Variants in PLA2G5 observed in about 807,000 individuals in gnomAD.
The protein encoded by PLA2G5 is Ca2+-dependent phospholipase A2.
PLA2G5 carries 12 observed loss-of-function variants against 15.9 expected under a neutral mutation model. The observed-to-expected ratio is 0.76, with a 90% CI of 0.48 to 1.23. PLA2G5 has a LOEUF of 1.23. Ranked by LOEUF, PLA2G5 falls within the 50% of genes most tolerant of loss-of-function variation. The probability of loss-of-function intolerance (pLI) is 0.00; values close to 1 mark genes in which losing one functional copy is unlikely to be tolerated. For synonymous variants in PLA2G5, 71 were observed against 71.4 expected, an observed-to-expected ratio of 0.99 and a Z score of 0.03; for missense variants, 169 against 177.1, an observed-to-expected ratio of 0.95 and a Z score of 0.26.
chr1:20,046,165 G>T (rs949618991), intron 1 of PLA2G5: 2 of 152,120 alleles, frequency 1.3e-5, no homozygotes, highest in African/African-American at 4.8e-5. Flanking sequence ...TTTGGGTTTT[G>T]TCTTATCTAA....
chr1:20,039,822 C>T (rs1211373248), intron 1 of PLA2G5, among the ~76,000 whole-genome samples: 1 of 152,134 alleles, frequency 6.6e-6, no homozygotes, highest in East Asian at 1.9e-4. Flanking sequence ...AAAGAATAGA[C>T]CTTCAGCATT....
upstream of PLA2G5, among the ~76,000 whole-genome samples, chr1:20,067,443 T>G (rs1428861014): frequency 1.3e-5 from 2 of 152,130 alleles, no homozygotes. Flanking sequence ...ATTCCAGCAC[T>G]TTGGGAGGCC....
intron 2 of PLA2G5, chr1:20,063,655 G>A (rs570717447): frequency 6.6e-6 from 1 of 152,348 alleles, no homozygotes; most frequent in South Asian, 2.1e-4. Context: ...GGGAAATGAA[G>A]AGCAAGGCCC....
intron 1 of PLA2G5, among the ~76,000 whole-genome samples, chr1:20,049,525 A>T (rs1486068518): frequency 1.3e-5 from 2 of 152,140 alleles, no homozygotes; most frequent in African/African-American, 4.8e-5. Flanking sequence ...CATGGGAAGG[A>T]CACAGTGGGA....
intron 1 of PLA2G5, among the ~76,000 whole-genome samples, chr1:20,033,726 G>C (rs528158363): frequency 6.6e-6 from 1 of 152,258 alleles, no homozygotes; most frequent in South Asian, 2.1e-4. Context: ...AGAGTAAAGG[G>C]CTTGGTGGGG....
rs955476031 is a variant in PLA2G5, at chr1:20,039,355, T to C, written n.276+10646T>C. Among the ~76,000 whole-genome samples, 11 of 152,312 alleles carry C rather than the reference T, an allele frequency of 7.2e-5. No homozygotes were observed. In the East Asian group the frequency reaches 1.4e-3, roughly 19 times the overall value. On this transcript the variant is annotated intron_variant and non_coding_transcript_variant, in intron 1 of 6. Transcript: ENST00000460175. ...AGTGGAAGGTGTCAATAAACTTGTTTCCTCAGGGTTTCTTCAAGCTTCCAA... is the reference window on the plus strand; with the variant it reads ...AGTGGAAGGTGTCAATAAACTTGTTCCCTCAGGGTTTCTTCAAGCTTCCAA...
intron 1 of PLA2G5, among the ~76,000 whole-genome samples, chr1:20,075,478 A>T (rs1156733004): frequency 6.6e-6 from 1 of 152,254 alleles, no homozygotes; most frequent in Non-Finnish European, 1.5e-5. Flanking sequence ...CATAGACATG[A>T]GACAGGTACA....
At chr1:20,053,577 G>T (rs532460984) in intron 1 of PLA2G5, among the ~76,000 whole-genome samples, 25 of 143,064 alleles carry the variant, frequency 1.7e-4, no homozygotes, top group African/African-American at 4.4e-4. Context: ...TTGCGGGGGG[G>T]GGGGTGATAT....
chr1:20,038,794 G>A (rs532832212), intron 1 of PLA2G5, among the ~76,000 whole-genome samples: 6 of 152,240 alleles, frequency 3.9e-5, no homozygotes, highest in South Asian at 2.1e-4. Flanking sequence ...AGAAAAAAAG[G>A]ATAAGTAATA....
intron 2 of PLA2G5, among the ~76,000 whole-genome samples, chr1:20,060,094 T>C (rs771894080): frequency 2.1e-4 from 32 of 152,052 alleles, no homozygotes; most frequent in Non-Finnish European, 4.1e-4. Flanking sequence ...GGGTGAAACA[T>C]AGGTTGGAGG....
At position 20,086,074 on chromosome 1, in the gene PLA2G5, A is replaced by G; in HGVS notation, c.41-9A>G. On this transcript the variant is annotated splice_polypyrimidine_tract_variant and intron_variant, in intron 2 of 4. Coordinates refer to ENST00000375108, the MANE Select transcript of PLA2G5 (RefSeq NM_000929.3). ...TGGGTGTCACCTGGGGACATGGGCT[A>G]TCTTCCAGGTGTGCCTGCTGTGCAA... 1 of 1,613,990 alleles carries G rather than the reference A, an allele frequency of 6.2e-7. No individual in the cohort carries two copies. Among genetic ancestry groups the G allele is most frequent in the African/African-American group, 1.3e-5 (1 of 75,046 alleles).
rs1439248850 is a variant in PLA2G5 at position 20,091,261 on chromosome 1, G to A, written c.*569G>A. The stretch of plus-strand genomic sequence containing the variant: ...ACCCAAAGATGTCTACATTATCTCC[G>A]AAACAGAAGGGAAGATTAGTAAATG... On this transcript the variant is annotated 3_prime_UTR_variant, in exon 5 of 5. Coordinates refer to ENST00000375108, the MANE Select transcript of PLA2G5 (RefSeq NM_000929.3). The A allele has an allele frequency of 1.3e-5, 2 of 152,372 alleles. No homozygotes were observed. Among genetic ancestry groups the A allele is most frequent in the Non-Finnish European group, 2.9e-5 (2 of 68,180 alleles). The allele number at this position is 152,372 out of a possible 1,614,324, so 9.4% of individuals were successfully genotyped here. A position where few individuals can be genotyped will look rare whatever the true frequency, so the allele number is the denominator to read the frequency against.
At position 20,090,781 on chromosome 1, in the gene PLA2G5, G is replaced by T. The variant is rs2016532391; in HGVS notation, c.*89G>T. ...TGACTCTGCCTGGTTCCTGAGAGAG[G>T]CTCCTAAGTCACAGACCTCAGTCTT... On this transcript the variant is annotated 3_prime_UTR_variant, in exon 5 of 5. Coordinates refer to ENST00000375108, the MANE Select transcript of PLA2G5 (RefSeq NM_000929.3). 1 of 1,398,604 alleles carries T rather than the reference G, an allele frequency of 7.1e-7. No homozygotes were observed. Among genetic ancestry groups the T allele is most frequent in the South Asian group, 1.2e-5 (1 of 83,182 alleles). The allele number at this position is 1,398,604 out of a possible 1,614,324, so 86.6% of individuals were successfully genotyped here. A position where few individuals can be genotyped will look rare whatever the true frequency, so the allele number is the denominator to read the frequency against.
At chr1:20,033,287 C>A (rs547148337) in intron 1 of PLA2G5, among the ~76,000 whole-genome samples, 4 of 152,284 alleles carry the variant, frequency 2.6e-5, no homozygotes, top group Admixed American at 2.6e-4. Flanking sequence ...TGCAAAAGGG[C>A]TTGCAAAATG....
chr1:20,028,781 A>C (rs1212001589), intron 1 of PLA2G5: 1 of 152,352 alleles, frequency 6.6e-6, no homozygotes, highest in Non-Finnish European at 1.5e-5. Context: ...GTAACCTGCT[A>C]TCACGGTTCT....
At chr1:20,090,317 C>T (rs2016505716) in intron 4 of PLA2G5, among the ~76,000 whole-genome samples, 1 of 152,108 alleles carries the variant, frequency 6.6e-6, no homozygotes. Context: ...GACTGGGAGT[C>T]CCCCAGAGGA....
intron 1 of PLA2G5, among the ~76,000 whole-genome samples, chr1:20,079,610 G>T (rs143793409): frequency 6.6e-6 from 1 of 152,230 alleles, no homozygotes; most frequent in Non-Finnish European, 1.5e-5. Flanking sequence ...TCCTGGGCTC[G>T]GGCCATCCTC....
intron 1 of PLA2G5, among the ~76,000 whole-genome samples, chr1:20,037,859 G>A (rs1216357048): frequency 6.6e-6 from 1 of 152,068 alleles, no homozygotes; most frequent in Non-Finnish European, 1.5e-5. Flanking sequence ...GGTAGAGATG[G>A]ACCATCTGGT....
intron 4 of PLA2G5, 33 bp downstream of exon 4, chr1:20,089,928 A>G (rs770033813): frequency 2.0e-6 from 3 of 1,497,056 alleles, no homozygotes; most frequent in Non-Finnish European, 2.8e-6. Context: ...GGGCCATTGG[A>G]AGAGCACCTG....
Sources: gnomAD v4.1 joint callset for allele counts (sites outside exome capture counted in the v4.1 genomes callset) on GRCh38, gnomAD v4.1.1 for gene constraint, MANE v1.5 for transcripts, NCBI Gene and HGNC (gene_info 2026-07-23, HGNC 2026-07-21) for gene names.